The following PCDHGA1 variants were observed in gnomAD, a reference collection of about 807,000 sequenced individuals.
The protein encoded by PCDHGA1 is protocadherin gamma subfamily A, 1.
PCDHGA1 carries 32 observed loss-of-function variants against 58.0 expected under a neutral mutation model. The observed-to-expected ratio is 0.55, with a 90% CI of 0.42 to 0.74. The LOEUF is 0.74. Ranked by LOEUF, PCDHGA1 falls within the 30% of genes least tolerant of loss-of-function variation. The probability of loss-of-function intolerance (pLI) is 0.00; values close to 1 mark genes in which losing one functional copy is unlikely to be tolerated. For synonymous variants in PCDHGA1, 498 were observed against 501.1 expected (o/e 0.99, Z 0.08); for missense variants, 1,205 against 1,182.3 (o/e 1.02, Z -0.28).
chr5:141,384,598 C>CA (rs756705007), intron 1 of PCDHGA1: 4 of 1,614,256 alleles, frequency 2.5e-6, no homozygotes, highest in Non-Finnish European at 2.5e-6. Flanking sequence ...GTACCCGGCC[C>CA]TCCCCACAGA....
At chr5:141,492,216 C>T (rs1163022229) in intron 1 of PCDHGA1, among the ~76,000 whole-genome samples, 1 of 152,140 alleles carries the variant, frequency 6.6e-6, no homozygotes, top group Non-Finnish European at 1.5e-5. Context: ...GCGCGGGGCT[C>T]ATGCGTGTCC....
At chr5:141,358,886 A>T (rs6863227) in intron 1 of PCDHGA1, among the ~76,000 whole-genome samples, 1,958 of 152,292 alleles carry the variant, frequency 0.013, 53 homozygotes, top group African/African-American at 0.045. Context: ...TGGCTCTGGG[A>T]TTATTTTATA....
At chr5:141,504,483 AGGCACC>A (rs2099838618) in intron 2 of PCDHGA1, among the ~76,000 whole-genome samples, 1 of 151,954 alleles carries the variant, frequency 6.6e-6, no homozygotes, top group Non-Finnish European at 1.5e-5. Flanking sequence ...AGTACAGTGG[AGGCACC>A]TGCCCAGTCT....
rs529966095 is a variant in PCDHGA1 at position 141,499,776 on chromosome 5, TC to T, written c.2480+4914del. 3.7e-3 allele frequency among the ~76,000 whole-genome samples: 528 copies of T among 141,410 alleles called. 6 individuals carry two copies. Among genetic ancestry groups the T allele is most frequent in the Non-Finnish European group, 4.2e-3 (282 of 66,550 alleles). The allele number at this position is 141,410 out of a possible 152,430, so 92.8% of individuals were successfully genotyped here. ...ATCTCAGCTCACTGCAGCCTTCGCCTCCCGGGTTCAAGCAATTCTCATGCTT... is the reference window on the plus strand; with the variant it reads ...ATCTCAGCTCACTGCAGCCTTCGCCTCCGGGTTCAAGCAATTCTCATGCTT... On this transcript the variant is annotated intron_variant, in intron 2 of 3. Coordinates refer to ENST00000517417, the MANE Select transcript of PCDHGA1 (RefSeq NM_018912.3).
intron 1 of PCDHGA1, chr5:141,338,738 A>T (rs1472312193): frequency 1.9e-6 from 2 of 1,068,406 alleles, no homozygotes; most frequent in Non-Finnish European, 2.4e-6. Flanking sequence ...CCACCTAAGG[A>T]GTAAAAGGCA....
chr5:141,349,561 A>T (rs139940732), intron 1 of PCDHGA1, among the ~76,000 whole-genome samples: 287 of 152,332 alleles, frequency 1.9e-3, no homozygotes, highest in African/African-American at 5.0e-3. Context: ...ATAACATAAT[A>T]GTAAGGCTGT....
chr5:141,420,022 TA>T (rs2096459209), intron 1 of PCDHGA1: 1 of 1,613,986 alleles, frequency 6.2e-7, no homozygotes. Flanking sequence ...CTTTCAGCCC[TA>T]CTGCAGGAGA....
chr5:141,468,950 T>TG (rs752125489), intron 1 of PCDHGA1, among the ~76,000 whole-genome samples: 34 of 140,680 alleles, frequency 2.4e-4, no homozygotes, highest in African/African-American at 4.9e-4. Context: ...GGTAAACCTG[T>TG]GGTTTTTTTT....
intron 1 of PCDHGA1, among the ~76,000 whole-genome samples, chr5:141,468,064 C>T (rs1026571562): frequency 3.3e-5 from 5 of 152,076 alleles, no homozygotes; most frequent in Non-Finnish European, 7.4e-5. Flanking sequence ...GTGGCTCACA[C>T]CTGTAATCCC....
intron 1 of PCDHGA1, among the ~76,000 whole-genome samples, chr5:141,358,066 C>T (rs1760810075): frequency 1.3e-5 from 2 of 152,032 alleles, no homozygotes; most frequent in South Asian, 4.2e-4. Context: ...GGTGTGTGCC[C>T]GTAGTCCCAG....
intron 1 of PCDHGA1, chr5:141,355,322 A>G: frequency 1.9e-6 from 3 of 1,614,000 alleles, no homozygotes; most frequent in Non-Finnish European, 1.7e-6. Flanking sequence ...GAGCAGGAAG[A>G]AGGCTCAGTG....
At chr5:141,451,154 TTTTTGGTAGTATA>T (rs2098709149) in intron 1 of PCDHGA1, among the ~76,000 whole-genome samples, 1 of 152,152 alleles carries the variant, frequency 6.6e-6, no homozygotes, top group Non-Finnish European at 1.5e-5. Flanking sequence ...ACTAGACATT[TTTTTGGTAGTATA>T]TTATTTAGCC....
chr5:141,476,843 G>A lies in PCDHGA1; in HGVS notation c.2422-17964G>A, dbSNP rs2099399765. On this transcript the variant is annotated intron_variant, in intron 1 of 3. Transcript: ENST00000517417. The surrounding 1 kb of genome is among the most constrained non-coding windows in gnomAD (Gnocchi z 7.6). ...GCTGGACGCGAATGACAATGCGCCT[G>A]TCTTCAACCAGTCCTTGTACCGGGC... 1 of 1,613,706 alleles carries A rather than the reference G, an allele frequency of 6.2e-7. No individual in the cohort carries two copies. Among genetic ancestry groups the A allele is most frequent in the Non-Finnish European group, 8.5e-7 (1 of 1,180,046 alleles).
At chr5:141,478,694 T>A (rs2099472305) in intron 1 of PCDHGA1, 1 of 1,550,598 alleles carries the variant, frequency 6.4e-7, no homozygotes, top group Admixed American at 2.0e-5. Flanking sequence ...TAGATCAAAG[T>A]TAGTGCCTTT....
chr5:141,444,146 T>C (rs2098418879), intron 1 of PCDHGA1, among the ~76,000 whole-genome samples: 2 of 145,824 alleles, frequency 1.4e-5, no homozygotes, highest in South Asian at 4.3e-4. Flanking sequence ...CACTTGTGTG[T>C]ACTGGATTTT....
chr5:141,418,637 T>A, intron 1 of PCDHGA1: 1 of 1,613,998 alleles, frequency 6.2e-7, no homozygotes. Context: ...TCCAGGCACC[T>A]CCATCCTGAG....
chr5:141,366,360 G>T, intron 1 of PCDHGA1: 1 of 1,614,024 alleles, frequency 6.2e-7, no homozygotes. Context: ...GACCTAGGCA[G>T]TATCAAGACC....
Position 141,477,012 on chromosome 5 carries a change from T to C in PCDHGA1, c.2422-17795T>C. The C allele has an allele frequency of 6.2e-7, 1 of 1,614,186 alleles. No homozygotes were observed. Among genetic ancestry groups the C allele is most frequent in the Non-Finnish European group, 8.5e-7 (1 of 1,180,026 alleles). On this transcript the variant is annotated intron_variant, in intron 1 of 3. Coordinates refer to ENST00000517417, the MANE Select transcript of PCDHGA1 (RefSeq NM_018912.3). The surrounding 1 kb of genome is among the most constrained non-coding windows in gnomAD (Gnocchi z 4.9). The stretch of plus-strand genomic sequence containing the variant: ...GTGCGGCAACTATTCGCCTTAGACC[T>C]TGTAACCGGGATGCTGACAATCAAG...
chr5:141,490,998 C>T lies in PCDHGA1; in HGVS notation c.2422-3809C>T, dbSNP rs1284919124. 5 of 1,614,014 alleles carry T rather than the reference C, an allele frequency of 3.1e-6. No homozygotes were observed. The highest frequency in any genetic ancestry group is 1.7e-5 in the Admixed American group (1 of 60,016). On this transcript the variant is annotated intron_variant, in intron 1 of 3. Coordinates refer to ENST00000517417, the MANE Select transcript of PCDHGA1 (RefSeq NM_018912.3). The surrounding 1 kb of genome is among the most constrained non-coding windows in gnomAD (Gnocchi z 5.4). Reference sequence around the variant, plus strand: ...GTCTCCCTCGCTCTGCTCCTCCTGGCTCCTTGGTCACCAAGGTGACAGCCG... The same window carrying T: ...GTCTCCCTCGCTCTGCTCCTCCTGGTTCCTTGGTCACCAAGGTGACAGCCG...
Sources: allele counts gnomAD v4.1 joint callset (sites outside exome capture counted in the v4.1 genomes callset), GRCh38; gene constraint gnomAD v4.1.1; non-coding constraint Gnocchi (gnomAD v3.1); transcripts MANE v1.5; gene names NCBI Gene and HGNC (gene_info 2026-07-23, HGNC 2026-07-21).